The following NEDD4L variants were observed in gnomAD, a reference collection of about 807,000 sequenced individuals.
The protein encoded by NEDD4L is E3 ubiquitin-protein ligase NEDD4-like.
NEDD4L carries 54 observed loss-of-function variants against 148.9 expected under a neutral mutation model. The observed-to-expected ratio is 0.36, with a 90% CI of 0.29 to 0.45. NEDD4L has a LOEUF of 0.45. Among genes scored for constraint, NEDD4L ranks in the 20% least tolerant of loss-of-function variants. NEDD4L has a pLI of 1.00. For missense variants in NEDD4L, 856 were observed against 1,233.8 expected, an observed-to-expected ratio of 0.69 and a Z score of 4.59; for synonymous variants, 433 against 440.7, an observed-to-expected ratio of 0.98 and a Z score of 0.22.
At chr18:58,180,671 T>C (rs138804395) in intron 2 of NEDD4L, among the ~76,000 whole-genome samples, 2 of 152,376 alleles carry the variant, frequency 1.3e-5, no homozygotes, top group African/African-American at 4.8e-5. Context: ...TTTTATTCTG[T>C]AGGTTTAGGA....
intron 2 of NEDD4L, among the ~76,000 whole-genome samples, chr18:58,211,099 A>C (rs149634329): frequency 6.6e-6 from 1 of 152,340 alleles, no homozygotes; most frequent in African/African-American, 2.4e-5. Context: ...TTACTTAAAC[A>C]TAAAGGCCAT....
chr18:58,335,899 C>T (rs2041684292), intron 13 of NEDD4L: 3 of 236,248 alleles, frequency 1.3e-5, no homozygotes, highest in African/African-American at 2.3e-5. Flanking sequence ...ATCAAAGAAG[C>T]CACAGGAATT....
intron 8 of NEDD4L, 84 bp from the exon 9 acceptor site, chr18:58,324,912 G>C (rs2059176102): frequency 1.6e-6 from 2 of 1,247,156 alleles, no homozygotes; most frequent in African/African-American, 3.0e-5. Context: ...GCAAGGAGAA[G>C]GGCATGCAGG....
rs574046184 is a variant in NEDD4L, at chr18:58,214,823, T to C, written c.123-30604T>C. ...TCATTTTTTTTTTTTTTTTTGTTGT[T>C]GTTGTTGAGACAGAGTCTCACTGTG... On this transcript the variant is annotated intron_variant, in intron 2 of 30. Coordinates refer to ENST00000400345, the MANE Select transcript of NEDD4L (RefSeq NM_001144967.3). Among the ~76,000 whole-genome samples the C allele has an allele frequency of 1.7e-3, 257 of 150,068 alleles. 1 individual carries two copies. The highest frequency in any genetic ancestry group is 6.0e-3 in the African/African-American group (243 of 40,806).
At chr18:58,245,846 A>ATTTTTTTTTTTT (rs58940181) in intron 3 of NEDD4L, among the ~76,000 whole-genome samples, 235 of 91,498 alleles carry the variant, frequency 2.6e-3, no homozygotes, top group Non-Finnish European at 3.4e-3. Context: ...ATGCCTGGCT[A>ATTTTTTTTTTTT]TTTTTTTTTT....
chr18:58,231,165 G>A (rs1367190308), intron 2 of NEDD4L, among the ~76,000 whole-genome samples: 2 of 149,402 alleles, frequency 1.3e-5, no homozygotes, highest in Admixed American at 6.8e-5. Flanking sequence ...TGGGAGAATT[G>A]CTTGAGCCCA....
At chr18:58,279,530 A>T (rs2052678224) in intron 5 of NEDD4L, among the ~76,000 whole-genome samples, 1 of 152,190 alleles carries the variant, frequency 6.6e-6, no homozygotes, top group Admixed American at 6.5e-5. Flanking sequence ...AATTCGGTAC[A>T]CGATTGAGAG....
chr18:58,077,393 C>T (rs2083229100), intron 1 of NEDD4L, among the ~76,000 whole-genome samples: 2 of 152,086 alleles, frequency 1.3e-5, no homozygotes, highest in South Asian at 4.2e-4. Context: ...CCTGGAATTC[C>T]TGAGTTCAAG....
intron 1 of NEDD4L, 91 bp downstream of exon 1, chr18:58,044,799 C>T: frequency 1.3e-6 from 2 of 1,491,132 alleles, no homozygotes; most frequent in African/African-American, 1.4e-5. Flanking sequence ...CCCCGGGGTG[C>T]TCGTGCCCAG....
chr18:58,137,589 G>A (rs984685910), intron 1 of NEDD4L, among the ~76,000 whole-genome samples: 3 of 152,196 alleles, frequency 2.0e-5, no homozygotes, highest in Admixed American at 6.5e-5. Flanking sequence ...GGAGGCAGCC[G>A]CTTCCACCTC....
At chr18:58,212,697 C>T (rs938962018) in intron 2 of NEDD4L, among the ~76,000 whole-genome samples, 1 of 152,164 alleles carries the variant, frequency 6.6e-6, no homozygotes, top group Non-Finnish European at 1.5e-5. Flanking sequence ...TCTAGAACTC[C>T]TGTTCTCAAG....
chr18:58,078,397 G>A (rs1293956813), intron 1 of NEDD4L, among the ~76,000 whole-genome samples: 1 of 152,192 alleles, frequency 6.6e-6, no homozygotes, highest in Non-Finnish European at 1.5e-5. Context: ...ATGAAAAGCA[G>A]GATTCTTTGG....
At chr18:58,227,062 C>A (rs2044447763) in intron 2 of NEDD4L, among the ~76,000 whole-genome samples, 1 of 152,244 alleles carries the variant, frequency 6.6e-6, no homozygotes, top group South Asian at 2.1e-4. Flanking sequence ...TCTGCCTCCA[C>A]GTCCCCACAT....
At chr18:58,306,406 G>A (rs1328387344) in intron 5 of NEDD4L, among the ~76,000 whole-genome samples, 1 of 152,148 alleles carries the variant, frequency 6.6e-6, no homozygotes, top group African/African-American at 2.4e-5. Context: ...GGAAGGAAGG[G>A]CACATGGCAA....
chr18:58,261,839 A>C (rs1189408525), intron 5 of NEDD4L, among the ~76,000 whole-genome samples: 3 of 152,206 alleles, frequency 2.0e-5, no homozygotes, highest in Non-Finnish European at 4.4e-5. Context: ...TAGCTATCCT[A>C]AATACGTTTT....
At chr18:58,066,470 C>T (rs2082602660) in intron 1 of NEDD4L, among the ~76,000 whole-genome samples, 1 of 140,908 alleles carries the variant, frequency 7.1e-6, no homozygotes, top group South Asian at 2.5e-4. Context: ...AGCTTACTGC[C>T]ACCATGCCAG....
At chr18:58,096,447 A>G (rs1247515536) in intron 1 of NEDD4L, among the ~76,000 whole-genome samples, 1 of 150,192 alleles carries the variant, frequency 6.7e-6, no homozygotes, top group Non-Finnish European at 1.5e-5. Context: ...TCTGTCACCC[A>G]GGCTGGAGCG....
At chr18:58,385,694 C>T (rs2048919746) in intron 26 of NEDD4L, 108 bp downstream of exon 26, 3 of 897,906 alleles carry the variant, frequency 3.3e-6, no homozygotes, top group South Asian at 2.9e-5. Context: ...GAGACAGAGG[C>T]GAGGCTGGGG....
chr18:58,052,490 C>T (rs757166791), intron 1 of NEDD4L, among the ~76,000 whole-genome samples: 1 of 152,106 alleles, frequency 6.6e-6, no homozygotes, highest in South Asian at 2.1e-4. Flanking sequence ...TGATTCAAAA[C>T]GCACCAAGTT....
Sources: gnomAD v4.1 joint callset for allele counts (sites outside exome capture counted in the v4.1 genomes callset) on GRCh38, gnomAD v4.1.1 for gene constraint, MANE v1.5 for transcripts, NCBI Gene and HGNC (gene_info 2026-07-23, HGNC 2026-07-21) for gene names.